PRKN: variants seen among roughly 807,000 people sequenced by gnomAD.
The protein encoded by PRKN is parkin RBR E3 ubiquitin protein ligase, also known as E3 ubiquitin-protein ligase parkin.
A neutral mutation model predicts 59.5 loss-of-function variants in PRKN; 56 were observed. The ratio of observed to expected loss-of-function variants is 0.94; its 90% CI spans 0.76 to 1.18. PRKN has a LOEUF of 1.18. PRKN is among the 50% of genes most tolerant of loss of function. PRKN has a pLI of 0.00. For missense variants in PRKN, 657 were observed against 596.4 expected (o/e 1.10, Z -1.06); for synonymous variants, 250 against 222.1 (o/e 1.13, Z -1.12).
At chr6:161,617,087 T>C (rs1262544864) in intron 7 of PRKN, among the ~76,000 whole-genome samples, 1 of 152,236 alleles carries the variant, frequency 6.6e-6, no homozygotes, top group Non-Finnish European at 1.5e-5. Context: ...TCCTGACTTT[T>C]TAATGATCAC....
intron 1 of PRKN, among the ~76,000 whole-genome samples, chr6:162,586,802 A>T (rs1385197900): frequency 6.6e-6 from 1 of 152,238 alleles, no homozygotes; most frequent in Non-Finnish European, 1.5e-5. Context: ...AAATTAGGCC[A>T]AAAGATATAT....
At chr6:162,190,014 T>C (rs1235372383) in intron 4 of PRKN, among the ~76,000 whole-genome samples, 1 of 151,048 alleles carries the variant, frequency 6.6e-6, no homozygotes, top group Non-Finnish European at 1.5e-5. Context: ...AAAAATAGGG[T>C]CATTCTGACA....
chr6:162,270,610 G>A (rs569296432), intron 2 of PRKN: 1 of 152,160 alleles, frequency 6.6e-6, no homozygotes, highest in Non-Finnish European at 1.5e-5. Context: ...ATTTTTAATA[G>A]ACTACATTTT....
Position 161,442,552 on chromosome 6 carries a change from C to T in PRKN, c.1084-55675G>A, listed in dbSNP as rs1312881821. Among the ~76,000 whole-genome samples, 1 of 152,180 alleles carries T rather than the reference C, an allele frequency of 6.6e-6. No individual in the cohort carries two copies. The highest frequency in any genetic ancestry group is 6.5e-5 in the Admixed American group (1 of 15,288). On this transcript the variant is annotated intron_variant, in intron 9 of 11. Coordinates refer to ENST00000366898, the MANE Select transcript of PRKN (RefSeq NM_004562.3). This position sits in a 1 kb window ranked among gnomAD's most constrained non-coding sequence, Gnocchi z 4.6. ...GTACAAGAAGGCACTGAATAGCGTG[C>T]CGTTCCGCACCACCAAGCGGAAGGG...
intron 3 of PRKN, among the ~76,000 whole-genome samples, chr6:162,207,684 T>C (rs1415392864): frequency 2.0e-5 from 3 of 152,170 alleles, no homozygotes; most frequent in Non-Finnish European, 4.4e-5. Flanking sequence ...GGACCTCATG[T>C]GCACACCACT....
At chr6:162,560,299 G>C (rs930453443) in intron 1 of PRKN, among the ~76,000 whole-genome samples, 3 of 152,100 alleles carry the variant, frequency 2.0e-5, no homozygotes, top group Non-Finnish European at 2.9e-5. Flanking sequence ...TTTATGCTTA[G>C]GTTAAAAATC....
chr6:161,608,736 C>T (rs1782379536), intron 7 of PRKN, among the ~76,000 whole-genome samples: 1 of 151,514 alleles, frequency 6.6e-6, no homozygotes, highest in Non-Finnish European at 1.5e-5. Context: ...GATGGGGTTT[C>T]ACCATGTGGG....
intron 5 of PRKN, among the ~76,000 whole-genome samples, chr6:162,019,543 T>C (rs1013666388): frequency 1.3e-5 from 2 of 152,164 alleles, no homozygotes; most frequent in Non-Finnish European, 2.9e-5. Context: ...TTATGGCTTA[T>C]TGCGCTGATG....
intron 3 of PRKN, among the ~76,000 whole-genome samples, chr6:162,246,727 G>C (rs1405064386): frequency 6.6e-6 from 1 of 152,168 alleles, no homozygotes; most frequent in Non-Finnish European, 1.5e-5. Flanking sequence ...CCCAGGAAAA[G>C]CGTACTTAAT....
intron 6 of PRKN, among the ~76,000 whole-genome samples, chr6:161,849,265 A>G (rs1242310379): frequency 6.6e-6 from 1 of 152,108 alleles, no homozygotes; most frequent in Non-Finnish European, 1.5e-5. Flanking sequence ...GGTCCAGTCC[A>G]CAGGTGCCAT....
intron 6 of PRKN, among the ~76,000 whole-genome samples, chr6:161,817,385 G>A (rs1791833184): frequency 6.6e-6 from 1 of 152,124 alleles, no homozygotes; most frequent in Non-Finnish European, 1.5e-5. Context: ...CCAGTCCCCA[G>A]GGATTTAGAC....
intron 1 of PRKN, among the ~76,000 whole-genome samples, chr6:162,565,863 A>T (rs931742308): frequency 6.6e-6 from 1 of 152,204 alleles, no homozygotes; most frequent in Non-Finnish European, 1.5e-5. Flanking sequence ...AGATCCACAT[A>T]GATTGAAAAT....
intron 5 of PRKN, among the ~76,000 whole-genome samples, chr6:161,983,719 A>T (rs1781328608): frequency 1.2e-5 from 1 of 84,494 alleles, no homozygotes; most frequent in African/African-American, 5.1e-5. Flanking sequence ...GATCACATGG[A>T]CACAGGAAGG....
At chr6:161,729,945 CTGA>C (rs1454842584) in intron 7 of PRKN, among the ~76,000 whole-genome samples, 1 of 151,774 alleles carries the variant, frequency 6.6e-6, no homozygotes, top group Non-Finnish European at 1.5e-5. Context: ...TGCATTCTTT[CTGA>C]TGTGTTGCAT....
intron 1 of PRKN, among the ~76,000 whole-genome samples, chr6:162,674,867 G>A (rs74362290): frequency 0.015 from 2,216 of 152,150 alleles, 60 homozygotes; most frequent in African/African-American, 0.051. Context: ...GGAAACAGAT[G>A]CCAGCAATAT....
intron 7 of PRKN, among the ~76,000 whole-genome samples, chr6:161,771,507 T>C (rs1789694709): frequency 6.6e-6 from 1 of 152,198 alleles, no homozygotes; most frequent in Non-Finnish European, 1.5e-5. Context: ...CTTTGAATGC[T>C]GTTCTTATTC....
intron 5 of PRKN, among the ~76,000 whole-genome samples, chr6:162,014,146 T>C (rs1259471483): frequency 6.6e-6 from 1 of 152,168 alleles, no homozygotes; most frequent in Admixed American, 6.5e-5. Flanking sequence ...GTTTCTGGTT[T>C]ATTCTTCCCA....
intron 4 of PRKN, among the ~76,000 whole-genome samples, chr6:162,073,973 A>G (rs1445595452): frequency 1.3e-5 from 2 of 151,982 alleles, no homozygotes; most frequent in Non-Finnish European, 2.9e-5. Flanking sequence ...TTAAAAAGTC[A>G]GGAAACAACA....
chr6:162,613,749 G>A (rs1277755522), intron 1 of PRKN, among the ~76,000 whole-genome samples: 5 of 152,240 alleles, frequency 3.3e-5, no homozygotes, highest in Admixed American at 3.3e-4. Flanking sequence ...TAAACAGAAT[G>A]GCTGATAAAA....
Sources: gnomAD v4.1 joint callset for allele counts (sites outside exome capture counted in the v4.1 genomes callset) on GRCh38, gnomAD v4.1.1 for gene constraint, Gnocchi (gnomAD v3.1) non-coding constraint, MANE v1.5 for transcripts, NCBI Gene and HGNC (gene_info 2026-07-23, HGNC 2026-07-21) for gene names.